The following FRAS1 variants were observed in gnomAD, a reference collection of about 807,000 sequenced individuals.
FRAS1 encodes the protein extracellular matrix organizing protein FRAS1.
In FRAS1, 290 loss-of-function variants were observed where a neutral mutation model predicts 435.2. The observed-to-expected ratio is 0.67, with a 90% CI of 0.61 to 0.73. The LOEUF is 0.73. Among genes scored for constraint, FRAS1 ranks in the 30% least tolerant of loss-of-function variants. The pLI, the probability that FRAS1 is intolerant of heterozygous loss-of-function variation, is 0.00. For missense variants in FRAS1, 4,860 were observed against 5,001.5 expected (o/e 0.97, Z 0.85); for synonymous variants, 1,800 against 1,851.0 (o/e 0.97, Z 0.71).
At chr4:78,521,169 G>A (rs11721380) in intron 67 of FRAS1, among the ~76,000 whole-genome samples, 21,223 of 152,174 alleles carry the variant, frequency 0.14, 1,786 homozygotes, top group Non-Finnish European at 0.2. Flanking sequence ...GGAAAAGAAA[G>A]TATAATAAGA....
chr4:78,331,005 G>A (rs1445580249), intron 18 of FRAS1, among the ~76,000 whole-genome samples: 1 of 152,084 alleles, frequency 6.6e-6, no homozygotes, highest in Non-Finnish European at 1.5e-5. Context: ...TGTCTCCCCT[G>A]GAAGCCCAGC....
At chr4:78,066,103 A>G in intron 2 of FRAS1, 87 bp downstream of exon 2, 1 of 872,976 alleles carries the variant, frequency 1.1e-6, no homozygotes, top group Non-Finnish European at 1.9e-6. Flanking sequence ...TGACCCTATC[A>G]TTGTAGAATA....
chr4:78,336,369 A>C (rs1410216992), intron 19 of FRAS1, among the ~76,000 whole-genome samples: 1 of 152,126 alleles, frequency 6.6e-6, no homozygotes, highest in Non-Finnish European at 1.5e-5. Context: ...TTGTATGTAT[A>C]AAATTGTTTA....
chr4:78,093,321 G>T (rs1741628042), intron 2 of FRAS1, among the ~76,000 whole-genome samples: 1 of 152,218 alleles, frequency 6.6e-6, no homozygotes, highest in Admixed American at 6.5e-5. Flanking sequence ...TCCAGTAATG[G>T]AAAGGAGTTA....
intron 9 of FRAS1, among the ~76,000 whole-genome samples, chr4:78,277,200 A>G (rs1444210553): frequency 6.6e-6 from 1 of 152,198 alleles, no homozygotes; most frequent in Non-Finnish European, 1.5e-5. Flanking sequence ...CCAATTTTCC[A>G]GGTGCCGTCT....
chr4:78,245,115 T>C lies in FRAS1; in HGVS notation c.217-118T>C, dbSNP rs991986055. ...TCTATTCATTTTATCCCATCTGTTGTTGTCACCTCAGAAACGCATGAGATT... is the reference window on the plus strand; with the variant it reads ...TCTATTCATTTTATCCCATCTGTTGCTGTCACCTCAGAAACGCATGAGATT... On this transcript the variant is annotated intron_variant, in intron 3 of 73. Transcript: ENST00000512123. 21 of 736,322 alleles carry C rather than the reference T, an allele frequency of 2.9e-5. 1 individual carries two copies. The Admixed American group carries it at 3.3e-4, about 12-fold the overall frequency. 45.6% of individuals were successfully genotyped at this position (736,322 alleles called of 1,614,324 possible).
chr4:78,294,574 G>A (rs1211813808), intron 14 of FRAS1, among the ~76,000 whole-genome samples: 2 of 152,206 alleles, frequency 1.3e-5, no homozygotes, highest in Non-Finnish European at 2.9e-5. Context: ...TCTGACTTAT[G>A]AAGCAATGAA....
intron 17 of FRAS1, among the ~76,000 whole-genome samples, chr4:78,317,958 T>G (rs1249826938): frequency 6.6e-6 from 1 of 152,190 alleles, no homozygotes; most frequent in Non-Finnish European, 1.5e-5. Flanking sequence ...CATAAAGGCT[T>G]TGGGCTGCTT....
intron 32 of FRAS1, among the ~76,000 whole-genome samples, chr4:78,418,553 A>G (rs1462208305): frequency 6.6e-6 from 1 of 152,188 alleles, no homozygotes; most frequent in Non-Finnish European, 1.5e-5. Context: ...CTTAAAGAAA[A>G]TAAAAAGTTA....
chr4:78,526,757 T>A (rs1721546074), intron 70 of FRAS1, 100 bp downstream of exon 70: 2 of 729,722 alleles, frequency 2.7e-6, no homozygotes, highest in Non-Finnish European at 4.5e-6. Flanking sequence ...AACATGGTGC[T>A]TTCATAGTCA....
rs775635628 is a variant in FRAS1, at chr4:78,432,415, T to A, written c.5028T>A (p.Gly1676=). The A allele has an allele frequency of 1.2e-6, 2 of 1,611,788 alleles. No individual in the cohort carries two copies. The highest frequency in any genetic ancestry group is 2.2e-5 in the South Asian group (2 of 90,452). The change falls in exon 38 of 74, where the codon GGT becomes GGA. Residue 1676 remains glycine, a synonymous_variant. Transcript: ENST00000512123. ...EKNALQYIHD[G]SSTREDSMEI... Reference sequence around the variant, plus strand: ...ATGCTCTACAGTATATACATGATGGTTCCTCTACCCGGGAAGACAGCATGG... The same window carrying A: ...ATGCTCTACAGTATATACATGATGGATCCTCTACCCGGGAAGACAGCATGG...
At position 78,413,042 on chromosome 4, in the gene FRAS1, C is replaced by G. The variant is rs894782125; in HGVS notation, c.4382C>G (p.Pro1461Arg). 5.0e-6 allele frequency: 8 copies of G among 1,611,650 alleles called. No homozygotes were observed. The African/African-American group carries it at 8.0e-5, about 16-fold the overall frequency. ...AACATCGCGATCTTACCACAGACACCTGAAGCACCTAAAGTGTCTCTGGAA... is the reference window on the plus strand; with the variant it reads ...AACATCGCGATCTTACCACAGACACGTGAAGCACCTAAAGTGTCTCTGGAA... ...MFNIAILPQTPEAPKVSLEAS... is the reference protein window; with the variant it reads ...MFNIAILPQTREAPKVSLEAS... Residue 1461 changes from proline (P) to arginine (R), a missense_variant, in exon 32 of 74, where the codon CCT becomes CGT. Pro to Arg is a moderately radical substitution (Grantham distance 103). Transcript: ENST00000512123.
intron 9 of FRAS1, among the ~76,000 whole-genome samples, chr4:78,277,749 G>A (rs1578223776): frequency 6.6e-6 from 1 of 151,944 alleles, no homozygotes; most frequent in East Asian, 1.9e-4. Context: ...AAAATGATAA[G>A]ACTTGGAAAG....
chr4:78,200,329 A>G (rs930500870), intron 2 of FRAS1, among the ~76,000 whole-genome samples: 1 of 152,172 alleles, frequency 6.6e-6, no homozygotes. Flanking sequence ...AGCTTCTGGG[A>G]TATATGAGCC....
intron 2 of FRAS1, chr4:78,181,443 A>T (rs1252382310): frequency 3.1e-6 from 5 of 1,611,748 alleles, no homozygotes; most frequent in Non-Finnish European, 4.2e-6. Flanking sequence ...GAAAAAGAAG[A>T]TCTATCACTT....
Position 78,308,154 on chromosome 4 carries a change from C to T in FRAS1, c.1623C>T (p.Gly541=), listed in dbSNP as rs371293049. ...CRDPLHVLRD[G]GCESSCGKGF... is the part of the protein sequence containing the mutation. ...ATCCCCTCCACGTGCTGAGAGATGG[C>T]GGCTGTGAGAGCAGCTGTGGAAAAG... The change falls in exon 15 of 74, where the codon GGC becomes GGT. Residue 541 remains glycine, a synonymous_variant. Transcript: ENST00000512123. The T allele has an allele frequency of 3.8e-5, 61 of 1,613,716 alleles. No individual in the cohort carries two copies. The highest frequency in any genetic ancestry group is 4.7e-5 in the Non-Finnish European group (56 of 1,179,810).
At chr4:78,219,037 TATA>T (rs1183382136) in intron 2 of FRAS1, among the ~76,000 whole-genome samples, 2 of 152,234 alleles carry the variant, frequency 1.3e-5, no homozygotes, top group Non-Finnish European at 2.9e-5. Context: ...TCAGCTCCAG[TATA>T]ATTCAGGAAA....
At chr4:78,437,674 T>C (rs1734484698) in intron 38 of FRAS1, among the ~76,000 whole-genome samples, 2 of 152,216 alleles carry the variant, frequency 1.3e-5, no homozygotes, top group Admixed American at 1.3e-4. Context: ...CAACATAGCA[T>C]GAAAATTTGC....
At chr4:78,367,266 ATGGT>A (rs1731307642) in intron 22 of FRAS1, among the ~76,000 whole-genome samples, 1 of 152,118 alleles carries the variant, frequency 6.6e-6, no homozygotes, top group Non-Finnish European at 1.5e-5. Context: ...TAAGCTGGGC[ATGGT>A]GGCATGTGCC....
Sources: allele counts gnomAD v4.1 joint callset (sites outside exome capture counted in the v4.1 genomes callset), GRCh38; gene constraint gnomAD v4.1.1; transcripts MANE v1.5; gene names NCBI Gene and HGNC (gene_info 2026-07-23, HGNC 2026-07-21).